PIP4K2A: variants seen among roughly 807,000 people sequenced by gnomAD.
PIP4K2A encodes phosphatidylinositol-5-phosphate 4-kinase type 2 alpha.
A neutral mutation model predicts 42.9 loss-of-function variants in PIP4K2A; 14 were observed. The observed-to-expected ratio is 0.33, with a 90% CI of 0.22 to 0.51. The LOEUF (loss-of-function observed/expected upper bound fraction) is 0.51. Ranked by LOEUF, PIP4K2A falls within the 20% of genes least tolerant of loss-of-function variation. The probability of loss-of-function intolerance (pLI) is 0.97; values close to 1 mark genes in which losing one functional copy is unlikely to be tolerated. For missense variants in PIP4K2A, 434 were observed against 519.8 expected (o/e 0.83, Z 1.61); for synonymous variants, 192 against 192.2 (o/e 1.00, Z 0.01).
chr10:22,700,076 C>T (rs779722523), intron 1 of PIP4K2A, among the ~76,000 whole-genome samples: 10 of 152,154 alleles, frequency 6.6e-5, no homozygotes. Flanking sequence ...CTTCTGAGAT[C>T]GAGCAGAAGC....
At chr10:22,601,897 C>T (rs1224998002) in intron 3 of PIP4K2A, among the ~76,000 whole-genome samples, 1 of 152,232 alleles carries the variant, frequency 6.6e-6, no homozygotes, top group Non-Finnish European at 1.5e-5. Context: ...TCTTAGCTTT[C>T]AGGTCCCAGT....
chr10:22,682,093 A>G (rs1356188795), intron 1 of PIP4K2A, among the ~76,000 whole-genome samples: 1 of 152,154 alleles, frequency 6.6e-6, no homozygotes, highest in African/African-American at 2.4e-5. Context: ...ATAGTCTGCC[A>G]ACTCCTGTGC....
intron 1 of PIP4K2A, among the ~76,000 whole-genome samples, chr10:22,639,537 A>G (rs931641737): frequency 2.6e-5 from 4 of 152,106 alleles, no homozygotes; most frequent in Admixed American, 2.6e-4. Context: ...AAAGTGGGTA[A>G]TATACTCAAG....
intron 1 of PIP4K2A, among the ~76,000 whole-genome samples, chr10:22,618,658 T>C (rs1367268180): frequency 6.6e-6 from 1 of 152,216 alleles, no homozygotes; most frequent in Non-Finnish European, 1.5e-5. Context: ...TCCAGAGCTA[T>C]CTGCACACAA....
rs373167102 is a variant in PIP4K2A at position 22,552,278 on chromosome 10, GTGTA to G, written c.679-1510_679-1507del. 4.2e-3 allele frequency among the ~76,000 whole-genome samples: 638 copies of G among 152,282 alleles called. 4 individuals carry two copies. The highest frequency in any genetic ancestry group is 0.014 in the African/African-American group (596 of 41,544). ...GGTAGAAAATAAAGCAGGATGGGAT[GTGTA>G]TGTAAGATGTAAAGATAAATACTAA... On this transcript the variant is annotated intron_variant, in intron 6 of 9. Coordinates refer to ENST00000376573, the MANE Select transcript of PIP4K2A (RefSeq NM_005028.5).
intron 1 of PIP4K2A, among the ~76,000 whole-genome samples, chr10:22,673,365 G>A (rs1043991792): frequency 6.6e-6 from 1 of 152,150 alleles, no homozygotes; most frequent in Non-Finnish European, 1.5e-5. Context: ...GCAGGAAAAT[G>A]CAATAAATAT....
intron 3 of PIP4K2A, among the ~76,000 whole-genome samples, chr10:22,603,992 AGCACACACGCGCGCAC>A (rs1837850658): frequency 7.5e-6 from 1 of 133,434 alleles, no homozygotes; most frequent in South Asian, 2.6e-4. Context: ...CACATGCGCG[AGCACACACGCGCGCAC>A]GCACACACAC....
At chr10:22,685,415 TTG>T (rs1356760425) in intron 1 of PIP4K2A, among the ~76,000 whole-genome samples, 1 of 152,018 alleles carries the variant, frequency 6.6e-6, no homozygotes, top group African/African-American at 2.4e-5. Context: ...GTGAAAAGGG[TTG>T]GGCACAGTGG....
At chr10:22,569,667 GTGTC>G (rs1246052258) in intron 5 of PIP4K2A, among the ~76,000 whole-genome samples, 1 of 152,044 alleles carries the variant, frequency 6.6e-6, no homozygotes, top group Non-Finnish European at 1.5e-5. Context: ...GTGTGTGTGT[GTGTC>G]TGTCTGTGTC....
At chr10:22,625,589 A>G (rs1397561862) in intron 1 of PIP4K2A, among the ~76,000 whole-genome samples, 3 of 152,098 alleles carry the variant, frequency 2.0e-5, no homozygotes, top group East Asian at 1.9e-4. Flanking sequence ...AGGAAACAGG[A>G]TATTTGGCGG....
At chr10:22,696,479 A>G (rs545467045) in intron 1 of PIP4K2A, among the ~76,000 whole-genome samples, 51 of 152,320 alleles carry the variant, frequency 3.3e-4, no homozygotes, top group Admixed American at 1.0e-3. Context: ...GTTTTGAAAT[A>G]GCCTTTGGCC....
chr10:22,649,506 G>T (rs536990937), intron 1 of PIP4K2A, among the ~76,000 whole-genome samples: 1 of 152,308 alleles, frequency 6.6e-6, no homozygotes, highest in African/African-American at 2.4e-5. Flanking sequence ...CCGGCACAGT[G>T]CAAGGGGCCA....
chr10:22,662,810 T>C (rs558453870), intron 1 of PIP4K2A, among the ~76,000 whole-genome samples: 7 of 152,306 alleles, frequency 4.6e-5, no homozygotes, highest in Admixed American at 2.6e-4. Context: ...AAGACTATGA[T>C]ACAAATTGTC....
intron 1 of PIP4K2A, among the ~76,000 whole-genome samples, chr10:22,678,508 T>TA (rs1263547767): frequency 6.6e-6 from 1 of 151,700 alleles, no homozygotes; most frequent in Non-Finnish European, 1.5e-5. Flanking sequence ...TTGAAGACAG[T>TA]AAAAAATAAA....
At chr10:22,570,071 T>C (rs1588632459) in intron 5 of PIP4K2A, among the ~76,000 whole-genome samples, 3 of 151,522 alleles carry the variant, frequency 2.0e-5, no homozygotes, top group South Asian at 4.2e-4. Flanking sequence ...ATCTTAGGCA[T>C]TGCAGGGGGA....
intron 4 of PIP4K2A, among the ~76,000 whole-genome samples, chr10:22,590,015 G>C (rs979016656): frequency 2.0e-5 from 3 of 152,156 alleles, no homozygotes; most frequent in Non-Finnish European, 4.4e-5. Context: ...TGAGCTTAGA[G>C]CCCTCATTAT....
At chr10:22,672,669 C>G (rs1022879179) in intron 1 of PIP4K2A, among the ~76,000 whole-genome samples, 1 of 152,066 alleles carries the variant, frequency 6.6e-6, no homozygotes, top group African/African-American at 2.4e-5. Flanking sequence ...TCCAGAAGGG[C>G]CTATTAAGAA....
At chr10:22,589,664 G>A (rs1226585019) in intron 4 of PIP4K2A, among the ~76,000 whole-genome samples, 1 of 152,172 alleles carries the variant, frequency 6.6e-6, no homozygotes, top group African/African-American at 2.4e-5. Flanking sequence ...AGAGCATCAT[G>A]CATGAACATA....
intron 6 of PIP4K2A, among the ~76,000 whole-genome samples, chr10:22,558,853 T>C (rs2130774848): frequency 6.6e-6 from 1 of 152,338 alleles, no homozygotes. Context: ...AGCGTTAAGT[T>C]ATAACTGTTA....
Sources: allele counts gnomAD v4.1 joint callset (sites outside exome capture counted in the v4.1 genomes callset), GRCh38; gene constraint gnomAD v4.1.1; transcripts MANE v1.5; gene names NCBI Gene and HGNC (gene_info 2026-07-23, HGNC 2026-07-21).